Variants in CGNL1 observed in about 807,000 individuals in gnomAD.
The protein encoded by CGNL1 is cingulin-like protein 1.
In CGNL1, 132 loss-of-function variants were observed where a neutral mutation model predicts 141.2. The observed-to-expected ratio is 0.93, with a 90% CI of 0.81 to 1.08. The LOEUF (loss-of-function observed/expected upper bound fraction) is 1.08. CGNL1 is among the 50% of genes least tolerant of loss of function. The pLI is 0.00. For missense variants in CGNL1, 1,870 were observed against 1,588.6 expected (o/e 1.18, Z -3.01); for synonymous variants, 690 against 622.1 (o/e 1.11, Z -1.63).
At chr15:57,442,530 AAC>A in intron 4 of CGNL1, 52 bp downstream of exon 4, 1 of 1,129,812 alleles carries the variant, frequency 8.9e-7, no homozygotes, top group Non-Finnish European at 1.3e-6. Flanking sequence ...GAATGTGGTA[AAC>A]AACTTGCTGT....
chr15:57,547,624 C>A lies in CGNL1; in HGVS notation c.*134C>A. The A allele has an allele frequency of 9.7e-7, 1 of 1,027,774 alleles. No individual in the cohort carries two copies. Among genetic ancestry groups the A allele is most frequent in the East Asian group, 2.5e-5 (1 of 40,206 alleles). 63.7% of individuals were successfully genotyped at this position (1,027,774 alleles called of 1,614,324 possible). On this transcript the variant is annotated 3_prime_UTR_variant, in exon 19 of 19. Coordinates refer to ENST00000281282, the MANE Select transcript of CGNL1 (RefSeq NM_032866.5). Reference sequence around the variant, plus strand: ...CTCTTTGCACAGCATGCCAGCTCCTCAGTGTTACATTCCTCGCCAGGGTCT... The same window carrying A: ...CTCTTTGCACAGCATGCCAGCTCCTAAGTGTTACATTCCTCGCCAGGGTCT...
chr15:57,504,063 C>T (rs1312646029), intron 8 of CGNL1, among the ~76,000 whole-genome samples: 1 of 152,058 alleles, frequency 6.6e-6, no homozygotes, highest in Non-Finnish European at 1.5e-5. Context: ...TTCCAGTTTA[C>T]AGAGCAGGAA....
chr15:57,400,982 A>G (rs143344322), intron 1 of CGNL1, among the ~76,000 whole-genome samples: 7 of 150,922 alleles, frequency 4.6e-5, no homozygotes, highest in African/African-American at 1.5e-4. Context: ...CTGTTTTATC[A>G]TCTCTAGTCA....
chr15:57,436,377 T>C (rs1193416879), intron 1 of CGNL1, among the ~76,000 whole-genome samples: 1 of 152,242 alleles, frequency 6.6e-6, no homozygotes, highest in Non-Finnish European at 1.5e-5. Context: ...TTTTGGGCTA[T>C]GTGATGCTGG....
At chr15:57,442,198 A>G (rs1349928212) in intron 3 of CGNL1, among the ~76,000 whole-genome samples, 175 bp from the exon 4 acceptor site, 1 of 150,870 alleles carries the variant, frequency 6.6e-6, no homozygotes, top group Non-Finnish European at 1.5e-5. Flanking sequence ...AAAAAAAAAA[A>G]AAAAAGACAC....
chr15:57,524,814 G>A (rs1212374976), intron 12 of CGNL1, 63 bp downstream of exon 12: 3 of 1,536,134 alleles, frequency 2.0e-6, no homozygotes, highest in Non-Finnish European at 2.7e-6. Context: ...TGCCCTGAAA[G>A]TCTTCTGTGA....
intron 1 of CGNL1, among the ~76,000 whole-genome samples, chr15:57,385,518 C>T (rs1216452021): frequency 6.6e-6 from 1 of 152,174 alleles, no homozygotes; most frequent in Non-Finnish European, 1.5e-5. Flanking sequence ...AGTTTCATCT[C>T]CTGTATTTTC....
chr15:57,517,913 A>G (rs1011148285), intron 9 of CGNL1, among the ~76,000 whole-genome samples: 1 of 137,386 alleles, frequency 7.3e-6, no homozygotes, highest in Non-Finnish European at 1.7e-5. Context: ...CCACCTGGAT[A>G]CCTTTTATAA....
At chr15:57,510,546 G>A (rs2030193308) in intron 8 of CGNL1, among the ~76,000 whole-genome samples, 1 of 152,178 alleles carries the variant, frequency 6.6e-6, no homozygotes, top group African/African-American at 2.4e-5. Flanking sequence ...AAGTCACAGG[G>A]GAAAAGTGAC....
intron 1 of CGNL1, among the ~76,000 whole-genome samples, chr15:57,411,128 T>C (rs1567100176): frequency 6.6e-6 from 1 of 152,024 alleles, no homozygotes; most frequent in Non-Finnish European, 1.5e-5. Flanking sequence ...GACTAAAGAG[T>C]GTCATATGTT....
chr15:57,378,363 G>GTTTTTTTTTTTT lies in CGNL1; in HGVS notation c.-16+1820_-16+1831dup, dbSNP rs71116514. Among the ~76,000 whole-genome samples, 18 of 33,936 alleles carry GTTTTTTTTTTTT rather than the reference G, an allele frequency of 5.3e-4. 1 individual carries two copies. The highest frequency in any genetic ancestry group is 8.8e-4 in the Non-Finnish European group (16 of 18,102). The allele number at this position is 33,936 out of a possible 152,430, so 22.3% of individuals were successfully genotyped here. Reference sequence around the variant, plus strand: ...TTTCTTAGGGGGTGGCCCTCTATGTGTTTTTTTTTTTTTTTTTTTTTTTTT... The same window carrying GTTTTTTTTTTTT: ...TTTCTTAGGGGGTGGCCCTCTATGTGTTTTTTTTTTTTTTTTTTTTTTTTTTTTTTTTTTTTT... On this transcript the variant is annotated intron_variant, in intron 1 of 18. Coordinates refer to ENST00000281282, the MANE Select transcript of CGNL1 (RefSeq NM_032866.5).
chr15:57,450,722 CTG>C (rs1177608008), intron 4 of CGNL1, among the ~76,000 whole-genome samples: 2 of 152,294 alleles, frequency 1.3e-5, no homozygotes, highest in South Asian at 4.1e-4. Context: ...GATCATAACT[CTG>C]TGTTGCTTGC....
chr15:57,518,552 A>C (rs1171561257), intron 10 of CGNL1, 55 bp downstream of exon 10: 1 of 1,180,500 alleles, frequency 8.5e-7, no homozygotes, highest in East Asian at 2.5e-5. Context: ...ATAGAGACGC[A>C]ACACCAGAGG....
chr15:57,382,204 G>C (rs1417015885), intron 1 of CGNL1, among the ~76,000 whole-genome samples: 2 of 152,156 alleles, frequency 1.3e-5, no homozygotes, highest in Admixed American at 1.3e-4. Context: ...GGGCTTAGAG[G>C]CCATATGGAG....
intron 8 of CGNL1, among the ~76,000 whole-genome samples, chr15:57,496,615 G>T (rs985474182): frequency 6.6e-6 from 1 of 152,162 alleles, no homozygotes; most frequent in South Asian, 2.1e-4. Context: ...AGTCTGTCTT[G>T]TAAAGGAATG....
At position 57,536,567 on chromosome 15, in the gene CGNL1, A is replaced by G. The variant is rs994183881; in HGVS notation, c.3291+4788A>G. Among the ~76,000 whole-genome samples, 7 of 152,262 alleles carry G rather than the reference A, an allele frequency of 4.6e-5. 1 individual carries two copies. The highest frequency in any genetic ancestry group is 1.0e-4 in the Non-Finnish European group (7 of 68,050). On this transcript the variant is annotated intron_variant, in intron 14 of 18. Transcript: ENST00000281282. ...TTTCTCACCCAAGTATAGTCCCATC[A>G]TATACAGAAAGGTTTCTGATTGGCT...
chr15:57,541,042 G>T (rs2032536619), intron 14 of CGNL1, among the ~76,000 whole-genome samples: 1 of 152,328 alleles, frequency 6.6e-6, no homozygotes, highest in East Asian at 1.9e-4. Flanking sequence ...TACCCTGAAG[G>T]GTAGAGGAGG....
chr15:57,381,572 A>G (rs1298585864), intron 1 of CGNL1, among the ~76,000 whole-genome samples: 1 of 152,098 alleles, frequency 6.6e-6, no homozygotes, highest in African/African-American at 2.4e-5. Context: ...AAAACAAACA[A>G]CAAAAATAAA....
intron 4 of CGNL1, among the ~76,000 whole-genome samples, chr15:57,448,285 G>T (rs1381887427): frequency 6.6e-6 from 1 of 151,734 alleles, no homozygotes; most frequent in African/African-American, 2.4e-5. Flanking sequence ...TTAACTTTCA[G>T]ATATTGTGTA....
Sources: gnomAD v4.1 joint callset for allele counts (sites outside exome capture counted in the v4.1 genomes callset) on GRCh38, gnomAD v4.1.1 for gene constraint, MANE v1.5 for transcripts, NCBI Gene and HGNC (gene_info 2026-07-23, HGNC 2026-07-21) for gene names.